The following ZBTB20 variants were observed in gnomAD, a reference collection of about 807,000 sequenced individuals.
The protein encoded by ZBTB20 is zinc finger and BTB domain-containing protein 20.
A neutral mutation model predicts 56.9 loss-of-function variants in ZBTB20; 9 were observed. The ratio of observed to expected loss-of-function variants is 0.16; its 90% confidence interval spans 0.10 to 0.28. The LOEUF is 0.28. Ranked by LOEUF, ZBTB20 falls within the 10% of genes least tolerant of loss-of-function variation. The pLI is 1.00. For missense variants in ZBTB20, 655 were observed against 1,003.0 expected, an observed-to-expected ratio of 0.65 and a Z score of 4.69; for synonymous variants, 417 against 420.7, an observed-to-expected ratio of 0.99 and a Z score of 0.11.
chr3:115,037,275 T>C (rs2080964394), intron 2 of ZBTB20, among the ~76,000 whole-genome samples: 1 of 152,012 alleles, frequency 6.6e-6, no homozygotes, highest in African/African-American at 2.4e-5. Flanking sequence ...AGTAAAGAAA[T>C]TTTTGGGGGG....
At chr3:115,054,954 G>T (rs2081701538) in intron 2 of ZBTB20, among the ~76,000 whole-genome samples, 1 of 152,014 alleles carries the variant, frequency 6.6e-6, no homozygotes, top group Non-Finnish European at 1.5e-5. Flanking sequence ...CATGTAGAAG[G>T]TCTTCAACCT....
At position 114,371,670 on chromosome 3, in the gene ZBTB20, G is replaced by C. The variant is rs553966241; in HGVS notation, c.199+8547C>G. 1.3e-4 allele frequency among the ~76,000 whole-genome samples: 20 copies of C among 152,310 alleles called. 1 individual carries two copies. In the South Asian group the frequency reaches 3.9e-3, roughly 30 times the overall value. ...GTTCAGAGAACATTAAGTTTGTCCAGAAGCAGACTTAGTAACAAGCAGCAT... is the reference window on the plus strand; with the variant it reads ...GTTCAGAGAACATTAAGTTTGTCCACAAGCAGACTTAGTAACAAGCAGCAT... On this transcript the variant is annotated intron_variant, in intron 10 of 11. Transcript: ENST00000675478.
intron 6 of ZBTB20, among the ~76,000 whole-genome samples, chr3:114,559,019 T>G (rs1011375103): frequency 6.6e-6 from 1 of 152,174 alleles, no homozygotes; most frequent in African/African-American, 2.4e-5. Flanking sequence ...ACTCTTACTT[T>G]CTTCATTTCA....
At chr3:114,806,039 C>A (rs184524972) in intron 4 of ZBTB20, among the ~76,000 whole-genome samples, 1 of 151,824 alleles carries the variant, frequency 6.6e-6, no homozygotes, top group Non-Finnish European at 1.5e-5. Flanking sequence ...TTTACTGTTA[C>A]GAATAATGCT....
chr3:114,841,372 T>C (rs2074377655), intron 4 of ZBTB20, among the ~76,000 whole-genome samples: 1 of 152,054 alleles, frequency 6.6e-6, no homozygotes, highest in South Asian at 2.1e-4. Context: ...ACCGAAGGCA[T>C]GAAAACACGT....
At chr3:114,896,277 C>T (rs1246450317) in intron 4 of ZBTB20, among the ~76,000 whole-genome samples, 2 of 152,202 alleles carry the variant, frequency 1.3e-5, no homozygotes, top group South Asian at 2.1e-4. Context: ...AAAGCAGGTT[C>T]TCAGAGAGAT....
chr3:114,819,166 C>T (rs2073104268), intron 4 of ZBTB20, among the ~76,000 whole-genome samples: 1 of 151,760 alleles, frequency 6.6e-6, no homozygotes, highest in Admixed American at 6.6e-5. Context: ...ATGCCTATAC[C>T]TAAATATATG....
chr3:114,390,000 C>CGAT (rs1446667750), intron 7 of ZBTB20, among the ~76,000 whole-genome samples: 1 of 151,354 alleles, frequency 6.6e-6, no homozygotes, highest in Non-Finnish European at 1.5e-5. Flanking sequence ...TTCTTATTAA[C>CGAT]GATAGTCATG....
chr3:114,711,804 T>C (rs562553497), intron 5 of ZBTB20, among the ~76,000 whole-genome samples: 69 of 152,334 alleles, frequency 4.5e-4, no homozygotes, highest in Admixed American at 1.7e-3. Flanking sequence ...AGAGTAGAGC[T>C]TCAATAAATG....
At chr3:114,760,285 C>T (rs1313130752) in intron 5 of ZBTB20, among the ~76,000 whole-genome samples, 2 of 152,112 alleles carry the variant, frequency 1.3e-5, no homozygotes, top group African/African-American at 2.4e-5. Context: ...AGCACAGCCT[C>T]GTTATTCAAG....
At chr3:114,463,152 T>G (rs1328787775) in intron 7 of ZBTB20, among the ~76,000 whole-genome samples, 1 of 152,250 alleles carries the variant, frequency 6.6e-6, no homozygotes, top group African/African-American at 2.4e-5. Flanking sequence ...AATATGTGCC[T>G]TACCAATCTT....
intron 3 of ZBTB20, among the ~76,000 whole-genome samples, chr3:114,928,887 A>G (rs775811272): frequency 1.3e-5 from 2 of 152,226 alleles, no homozygotes; most frequent in Non-Finnish European, 2.9e-5. Flanking sequence ...ACCAGGATAA[A>G]CAATACAATG....
intron 7 of ZBTB20, among the ~76,000 whole-genome samples, chr3:114,436,157 C>T (rs2090500565): frequency 6.6e-6 from 1 of 152,164 alleles, no homozygotes; most frequent in African/African-American, 2.4e-5. Flanking sequence ...AATGTCTTTT[C>T]AATAGTTGCT....
At chr3:114,547,371 T>C (rs1215653625) in intron 6 of ZBTB20, among the ~76,000 whole-genome samples, 2 of 152,204 alleles carry the variant, frequency 1.3e-5, no homozygotes, top group Admixed American at 1.3e-4. Flanking sequence ...CCACTTGGTC[T>C]AGTGTCAGCC....
intron 6 of ZBTB20, among the ~76,000 whole-genome samples, chr3:114,677,006 C>G (rs1465728890): frequency 6.6e-6 from 1 of 151,978 alleles, no homozygotes; most frequent in Admixed American, 6.6e-5. Flanking sequence ...ATCTCCTGAC[C>G]TCGTGATGCC....
chr3:114,951,199 T>C (rs2077054860), intron 3 of ZBTB20, among the ~76,000 whole-genome samples: 1 of 152,146 alleles, frequency 6.6e-6, no homozygotes, highest in South Asian at 2.1e-4. Flanking sequence ...ATTTAAAAAT[T>C]ATCTTTAAAA....
intron 4 of ZBTB20, among the ~76,000 whole-genome samples, chr3:114,895,027 T>C (rs1478970329): frequency 1.3e-5 from 2 of 152,146 alleles, no homozygotes; most frequent in Admixed American, 1.3e-4. Context: ...TACAAGAAGA[T>C]ACTGCTGCAA....
chr3:114,772,963 A>G (rs2069325953), intron 5 of ZBTB20, among the ~76,000 whole-genome samples: 1 of 152,150 alleles, frequency 6.6e-6, no homozygotes, highest in African/African-American at 2.4e-5. Flanking sequence ...TGGAATTTGG[A>G]AAAGAGGTGT....
intron 2 of ZBTB20, among the ~76,000 whole-genome samples, chr3:115,022,731 A>C (rs908791996): frequency 6.6e-6 from 1 of 151,012 alleles, no homozygotes; most frequent in African/African-American, 2.4e-5. Flanking sequence ...CATTTAAAAA[A>C]TATTATGGAA....
Sources: gnomAD v4.1 joint callset for allele counts (sites outside exome capture counted in the v4.1 genomes callset) on GRCh38, gnomAD v4.1.1 for gene constraint, MANE v1.5 for transcripts, NCBI Gene and HGNC (gene_info 2026-07-23, HGNC 2026-07-21) for gene names.